The following INPP4A variants were observed in gnomAD, a reference collection of about 807,000 sequenced individuals.
INPP4A encodes the protein inositol polyphosphate-4-phosphatase, type I, 107kD.
Under a neutral mutation model 119.8 loss-of-function variants are expected in INPP4A, and 33 were observed. The observed-to-expected ratio is 0.28, with a 90% CI of 0.21 to 0.37. INPP4A has a LOEUF of 0.37. Among genes scored for constraint, INPP4A ranks in the 10% least tolerant of loss-of-function variants. The pLI is 1.00. For synonymous variants in INPP4A, 496 were observed against 500.7 expected (o/e 0.99, Z 0.12); for missense variants, 956 against 1,289.9 (o/e 0.74, Z 3.97).
rs988213074 is a variant in INPP4A at position 98,566,832 on chromosome 2, C to T, written c.2420+663C>T. Reference sequence around the variant, plus strand: ...GTATATGTACCCTTTACTGGCCTTCCACTAGTACATGAGAATGATTCCTGT... The same window carrying T: ...GTATATGTACCCTTTACTGGCCTTCTACTAGTACATGAGAATGATTCCTGT... On this transcript the variant is annotated intron_variant, in intron 21 of 24. Transcript: ENST00000409851. The surrounding 1 kb of genome is among the most constrained non-coding windows in gnomAD (Gnocchi z 4.2). Among the ~76,000 whole-genome samples the T allele has an allele frequency of 6.6e-6, 1 of 152,148 alleles. No individual in the cohort carries two copies. The highest frequency in any genetic ancestry group is 2.4e-5 in the African/African-American group (1 of 41,424).
intron 24 of INPP4A, among the ~76,000 whole-genome samples, chr2:98,587,171 A>G (rs1700040224): frequency 6.6e-6 from 1 of 152,230 alleles, no homozygotes; most frequent in Admixed American, 6.5e-5. Context: ...ATAGAACCCC[A>G]AAAGACATGA....
At chr2:98,516,245 A>C (rs1686103526) in intron 1 of INPP4A, among the ~76,000 whole-genome samples, 1 of 152,214 alleles carries the variant, frequency 6.6e-6, no homozygotes, top group Non-Finnish European at 1.5e-5. Flanking sequence ...GGCCTTGATG[A>C]CTTAAATTGC....
intron 1 of INPP4A, among the ~76,000 whole-genome samples, chr2:98,509,624 G>A (rs946833475): frequency 6.6e-6 from 1 of 152,130 alleles, no homozygotes; most frequent in African/African-American, 2.4e-5. Flanking sequence ...AGTGGCTGAA[G>A]TGTGTGGTGT....
At chr2:98,471,657 G>A (rs1676035428) in intron 1 of INPP4A, among the ~76,000 whole-genome samples, 1 of 151,886 alleles carries the variant, frequency 6.6e-6, no homozygotes, top group South Asian at 2.1e-4. Flanking sequence ...GAAGTGCTTA[G>A]ACTGGCTGTC....
chr2:98,564,588 A>C, intron 18 of INPP4A, 52 bp from the exon 19 acceptor site: 1 of 1,609,756 alleles, frequency 6.2e-7, no homozygotes, highest in East Asian at 2.2e-5. Flanking sequence ...TCTGACTGCC[A>C]TTTGGTGAGC....
At chr2:98,467,044 A>G (rs1558886789) in intron 1 of INPP4A, among the ~76,000 whole-genome samples, 1 of 152,148 alleles carries the variant, frequency 6.6e-6, no homozygotes, top group Non-Finnish European at 1.5e-5. Context: ...GCATCTGGTG[A>G]GGCCTCAGGC....
At chr2:98,453,408 G>A (rs539361508) in intron 1 of INPP4A, among the ~76,000 whole-genome samples, 1 of 152,322 alleles carries the variant, frequency 6.6e-6, no homozygotes, top group South Asian at 2.1e-4. Context: ...ATCCAAGTAC[G>A]TTTCCTATGG....
At chr2:98,512,580 G>A (rs943510245) in intron 1 of INPP4A, among the ~76,000 whole-genome samples, 1 of 152,232 alleles carries the variant, frequency 6.6e-6, no homozygotes, top group African/African-American at 2.4e-5. Flanking sequence ...GAGAGACAGA[G>A]AGGAAATCGG....
intron 1 of INPP4A, among the ~76,000 whole-genome samples, chr2:98,505,283 G>A (rs1683829380): frequency 6.6e-6 from 1 of 152,214 alleles, no homozygotes; most frequent in South Asian, 2.1e-4. Flanking sequence ...GGTGCACTTT[G>A]CCTTTAGGTT....
intron 4 of INPP4A, among the ~76,000 whole-genome samples, chr2:98,522,771 A>C (rs1450908934): frequency 1.4e-5 from 2 of 147,888 alleles, no homozygotes; most frequent in African/African-American, 2.5e-5. Flanking sequence ...TTCCAGAAAG[A>C]AAAAAAAAAA....
At position 98,566,388 on chromosome 2, in the gene INPP4A, G is replaced by GGA. The variant is rs1287592706; in HGVS notation, c.2420+230_2420+231dup. 1.3e-5 allele frequency among the ~76,000 whole-genome samples: 2 copies of GGA among 152,094 alleles called. No homozygotes were observed. Among genetic ancestry groups the GGA allele is most frequent in the East Asian group, 1.9e-4 (1 of 5,192 alleles). ...TCTGTCCTCAGGGACTCAGCTGGTG[G>GGA]GAGAGAGAGAGACATGGATGCAATG... is the stretch of plus-strand genomic sequence containing the variant. On this transcript the variant is annotated intron_variant, in intron 21 of 24. Transcript: ENST00000409851. The surrounding 1 kb of genome is among the most constrained non-coding windows in gnomAD (Gnocchi z 4.2).
intron 17 of INPP4A, among the ~76,000 whole-genome samples, chr2:98,563,065 TC>T (rs2106325970): frequency 6.6e-6 from 1 of 152,274 alleles, no homozygotes; most frequent in Non-Finnish European, 1.5e-5. Flanking sequence ...TGGGTGTCCT[TC>T]CTCTCCGGGT....
chr2:98,519,705 ATC>A (rs1686816319), intron 2 of INPP4A: 3 of 259,798 alleles, frequency 1.2e-5, no homozygotes, highest in African/African-American at 6.8e-5. Flanking sequence ...ACTGTGGCAT[ATC>A]TCTGCTGAAG....
chr2:98,497,068 A>G (rs1410217603), intron 1 of INPP4A, among the ~76,000 whole-genome samples: 1 of 152,182 alleles, frequency 6.6e-6, no homozygotes, highest in African/African-American at 2.4e-5. Context: ...CACTGTTGAT[A>G]TGGACTTGGT....
chr2:98,542,478 T>C (rs934951039), intron 10 of INPP4A, among the ~76,000 whole-genome samples: 3 of 152,232 alleles, frequency 2.0e-5, no homozygotes, highest in Non-Finnish European at 4.4e-5. Context: ...CTCTACTTTC[T>C]GATCTACTTC....
chr2:98,487,463 C>T (rs1488106855), intron 1 of INPP4A, among the ~76,000 whole-genome samples: 4 of 152,146 alleles, frequency 2.6e-5, no homozygotes, highest in Non-Finnish European at 5.9e-5. Flanking sequence ...AACTCTTGGA[C>T]TCAAGCAATT....
At chr2:98,519,806 A>G (rs1686836467) in intron 2 of INPP4A, 140 bp from the exon 3 acceptor site, 3 of 505,176 alleles carry the variant, frequency 5.9e-6, no homozygotes, top group Non-Finnish European at 7.2e-6. Context: ...GGAGCAGTGG[A>G]CAGTCCACCC....
rs1439447170 is a variant in INPP4A at position 98,593,867 on chromosome 2, CA to C, written c.*6260del. ...CTCACCCCTCCTGCAAGGCTAGTCT[CA>C]GGTCTGCCTTCCTCTATGGTGATTT... On this transcript the variant is annotated 3_prime_UTR_variant, in exon 25 of 25. Transcript: ENST00000409851. 1 of 152,272 alleles carries C rather than the reference CA, an allele frequency of 6.6e-6. No individual in the cohort carries two copies. The highest frequency in any genetic ancestry group is 1.5e-5 in the Non-Finnish European group (1 of 68,090). The allele number at this position is 152,272 out of a possible 1,614,324, so 9.4% of individuals were successfully genotyped here.
Position 98,471,147 on chromosome 2 carries a change from GTA to G in INPP4A, c.-166+26066_-166+26067del, listed in dbSNP as rs1175997998. On this transcript the variant is annotated intron_variant, in intron 1 of 24. Transcript: ENST00000409851. ...TGAGGGTGTTGGAGGTGCCTCCTGT[GTA>G]TATGAGTGTGCGTGTATGTGGTGTG... is the stretch of plus-strand genomic sequence containing the variant. Among the ~76,000 whole-genome samples, 10 of 152,286 alleles carry G rather than the reference GTA, an allele frequency of 6.6e-5. No individual in the cohort carries two copies. The East Asian group carries it at 1.4e-3, about 21-fold the overall frequency.
Sources: gnomAD v4.1 joint callset for allele counts (sites outside exome capture counted in the v4.1 genomes callset) on GRCh38, gnomAD v4.1.1 for gene constraint, Gnocchi (gnomAD v3.1) non-coding constraint, MANE v1.5 for transcripts, NCBI Gene and HGNC (gene_info 2026-07-23, HGNC 2026-07-21) for gene names.